The following RPGRIP1L variants were observed in gnomAD, a reference collection of about 807,000 sequenced individuals.
RPGRIP1L encodes the protein protein fantom.
A neutral mutation model predicts 160.4 loss-of-function variants in RPGRIP1L; 131 were observed. That is an observed-to-expected ratio of 0.82 (90% CI 0.71 to 0.94). The LOEUF (loss-of-function observed/expected upper bound fraction) is 0.94, where lower values mean the gene tolerates loss of function less well. Ranked by LOEUF, RPGRIP1L falls within the 40% of genes least tolerant of loss-of-function variation. The pLI is 0.00. For missense variants in RPGRIP1L, 1,522 were observed against 1,535.8 expected (o/e 0.99, Z 0.15); for synonymous variants, 510 against 515.8 (o/e 0.99, Z 0.15).
At chr16:53,637,654 C>A in intron 21 of RPGRIP1L, 41 bp downstream of exon 21, 4 of 1,575,456 alleles carry the variant, frequency 2.5e-6, no homozygotes, top group Non-Finnish European at 3.5e-6. Context: ...AAACAAAGCA[C>A]AGGGTTAACT....
chr16:53,669,703 T>G (rs1968556503), intron 9 of RPGRIP1L, among the ~76,000 whole-genome samples: 1 of 152,152 alleles, frequency 6.6e-6, no homozygotes, highest in African/African-American at 2.4e-5. Context: ...CTATTTAGAC[T>G]GTGTAAATTA....
chr16:53,696,464 G>A (rs759532873), intron 2 of RPGRIP1L, among the ~76,000 whole-genome samples, 169 bp from the exon 3 acceptor site: 8 of 152,008 alleles, frequency 5.3e-5, no homozygotes, highest in Non-Finnish European at 1.0e-4. Flanking sequence ...ATTATTTAAG[G>A]TGAGAATAAA....
intron 22 of RPGRIP1L, among the ~76,000 whole-genome samples, chr16:53,629,896 C>T (rs1965415911): frequency 6.6e-6 from 1 of 152,180 alleles, no homozygotes; most frequent in Admixed American, 6.6e-5. Flanking sequence ...GGCACAGGGG[C>T]CATTGTTTGC....
chr16:53,622,716 G>A (rs1964813544), intron 22 of RPGRIP1L, among the ~76,000 whole-genome samples: 1 of 151,750 alleles, frequency 6.6e-6, no homozygotes, highest in South Asian at 2.1e-4. Context: ...TTAAGCCCAG[G>A]AGCCCAAGAG....
chr16:53,675,101 T>C lies in RPGRIP1L; in HGVS notation c.798A>G (p.Val266=). The change falls in exon 7 of 27, where the codon GTA becomes GTG. Residue 266 remains valine (V), a synonymous_variant. Transcript: ENST00000647211. The part of the protein sequence containing the change: ...TDQRSNIRDN[V]EMIKLHKQLV... Reference sequence around the variant, plus strand: ...GCTGTTTATGAAGCTTAATCATTTCTACATTGTCCCGAATATTTGACCTTC... The same window carrying C: ...GCTGTTTATGAAGCTTAATCATTTCCACATTGTCCCGAATATTTGACCTTC... 1 of 1,611,016 alleles carries C rather than the reference T, an allele frequency of 6.2e-7. No individual in the cohort carries two copies. Among genetic ancestry groups the C allele is most frequent in the Non-Finnish European group, 8.5e-7 (1 of 1,178,362 alleles).
rs1437729375 is a variant in RPGRIP1L at position 53,652,810 on chromosome 16, T to C, written c.1877A>G (p.Asp626Gly). ...FSSEVLQASG[D>G]KEPVTFCTYA... ...GGTACAGAAAGTGACAGGCTCTTTATCTCCAGATGCCTGTAAAACTTCAGA... is the reference window on the plus strand; with the variant it reads ...GGTACAGAAAGTGACAGGCTCTTTACCTCCAGATGCCTGTAAAACTTCAGA... Residue 626 changes from aspartate (D) to glycine (G), a missense_variant, in exon 15 of 27, where the codon GAT (aspartate) becomes GGT (glycine). Coordinates refer to ENST00000647211, the MANE Select transcript of RPGRIP1L (RefSeq NM_015272.5). The C allele has an allele frequency of 1.2e-6, 2 of 1,614,076 alleles. No individual in the cohort carries two copies. The highest frequency in any genetic ancestry group is 1.7e-6 in the Non-Finnish European group (2 of 1,179,998).
At chr16:53,603,061 T>C (rs1963465038) in intron 26 of RPGRIP1L, among the ~76,000 whole-genome samples, 1 of 152,144 alleles carries the variant, frequency 6.6e-6, no homozygotes, top group African/African-American at 2.4e-5. Context: ...GTCCCAAAGG[T>C]AGATCTTGGG....
intron 1 of RPGRIP1L, 47 bp from the exon 2 acceptor site, chr16:53,700,777 T>C: frequency 7.0e-7 from 1 of 1,427,092 alleles, no homozygotes; most frequent in Non-Finnish European, 9.8e-7. Context: ...AATTATTACA[T>C]TAACTATGCA....
chr16:53,648,051 C>T (rs937073322), intron 16 of RPGRIP1L, among the ~76,000 whole-genome samples: 2 of 132,260 alleles, frequency 1.5e-5, no homozygotes, highest in Non-Finnish European at 3.0e-5. Flanking sequence ...TTGCAGTGAG[C>T]AGAGATCACG....
intron 24 of RPGRIP1L, among the ~76,000 whole-genome samples, chr16:53,615,198 A>C (rs1157008745): frequency 6.6e-6 from 1 of 152,178 alleles, no homozygotes; most frequent in Non-Finnish European, 1.5e-5. Context: ...GACATGTATA[A>C]GTCTCATAAA....
chr16:53,686,537 C>T lies in RPGRIP1L; in HGVS notation c.672G>A (p.Glu224=), dbSNP rs1253337508. Residue 224 remains glutamate (E), a synonymous_variant, in exon 6 of 27, where the codon GAG becomes GAA. Coordinates refer to ENST00000647211, the MANE Select transcript of RPGRIP1L (RefSeq NM_015272.5). ...TCAGGATCTCAGCCAAGTGCTCTAA[C>T]TCCTCTATCTGGCCTCTTTGTGACT... ...VIQSQRGQIE[E]LEHLAEILKT... is the part of the protein sequence containing the mutation. 1.9e-6 allele frequency: 3 copies of T among 1,613,608 alleles called. No homozygotes were observed. The African/African-American group carries it at 4.0e-5, about 22-fold the overall frequency.
At chr16:53,672,357 G>T (rs567660250) in intron 8 of RPGRIP1L, among the ~76,000 whole-genome samples, 1 of 152,030 alleles carries the variant, frequency 6.6e-6, no homozygotes, top group South Asian at 2.1e-4. Flanking sequence ...CAGAATGCAG[G>T]CATCTTATTT....
At chr16:53,608,573 A>G (rs1042296443) in intron 25 of RPGRIP1L, among the ~76,000 whole-genome samples, 2 of 152,186 alleles carry the variant, frequency 1.3e-5, no homozygotes, top group Non-Finnish European at 2.9e-5. Context: ...TATATTTGCA[A>G]ATATAGCATG....
chr16:53,614,707 T>C (rs1020569387), intron 24 of RPGRIP1L, among the ~76,000 whole-genome samples: 9 of 152,188 alleles, frequency 5.9e-5, no homozygotes, highest in Admixed American at 1.3e-4. Context: ...AAATACATCC[T>C]ATAAAAAGTG....
chr16:53,659,216 T>A (rs1967551219), intron 10 of RPGRIP1L: 1 of 972,418 alleles, frequency 1.0e-6, no homozygotes, highest in Non-Finnish European at 1.2e-6. Context: ...TTTACTTACT[T>A]ATTAAGGCTC....
intron 6 of RPGRIP1L, among the ~76,000 whole-genome samples, chr16:53,681,813 C>T (rs1326748833): frequency 6.6e-6 from 1 of 152,172 alleles, no homozygotes; most frequent in Non-Finnish European, 1.5e-5. Context: ...ATATCAAGCA[C>T]TGCCACTCTG....
chr16:53,618,915 T>G (rs568192636), intron 24 of RPGRIP1L, 110 bp downstream of exon 24: 6 of 912,196 alleles, frequency 6.6e-6, no homozygotes, highest in Non-Finnish European at 1.0e-5. Flanking sequence ...AAGACTTCCA[T>G]GAATTTATGT....
chr16:53,648,626 G>GCA (rs113624342), intron 16 of RPGRIP1L, among the ~76,000 whole-genome samples: 6,082 of 144,004 alleles, frequency 0.042, 159 homozygotes, highest in South Asian at 0.11. Context: ...GCGCGCGCGC[G>GCA]CACACACACA....
intron 14 of RPGRIP1L, among the ~76,000 whole-genome samples, chr16:53,654,565 T>C (rs892949851): frequency 6.6e-6 from 1 of 152,330 alleles, no homozygotes; most frequent in African/African-American, 2.4e-5. Flanking sequence ...TAGATTTTCT[T>C]AGCTTTACAC....
Sources: allele counts gnomAD v4.1 joint callset (sites outside exome capture counted in the v4.1 genomes callset), GRCh38; gene constraint gnomAD v4.1.1; transcripts MANE v1.5; gene names NCBI Gene and HGNC (gene_info 2026-07-23, HGNC 2026-07-21).